Variants in DSCAM observed in about 807,000 individuals in gnomAD.
DSCAM encodes cell adhesion molecule DSCAM.
A neutral mutation model predicts 217.7 loss-of-function variants in DSCAM; 47 were observed. The observed-to-expected ratio is 0.22, with a 90% CI of 0.17 to 0.28. The LOEUF (loss-of-function observed/expected upper bound fraction) is 0.28. Ranked by LOEUF, DSCAM falls within the 10% of genes least tolerant of loss-of-function variation. The pLI, the probability that DSCAM is intolerant of heterozygous loss-of-function variation, is 1.00. For missense variants in DSCAM, 2,080 were observed against 2,618.3 expected, an observed-to-expected ratio of 0.79 and a Z score of 4.49; for synonymous variants, 1,056 against 1,015.3, an observed-to-expected ratio of 1.04 and a Z score of -0.76.
At chr21:40,492,579 T>C (rs1208078900) in intron 3 of DSCAM, among the ~76,000 whole-genome samples, 1 of 150,814 alleles carries the variant, frequency 6.6e-6, no homozygotes, top group East Asian at 1.9e-4. Context: ...AGCTAGAAAA[T>C]ACAATCGAGG....
intron 20 of DSCAM, 23 bp downstream of exon 20, chr21:40,124,172 C>G (rs1049448625): frequency 1.9e-6 from 3 of 1,613,620 alleles, no homozygotes; most frequent in Non-Finnish European, 1.7e-6. Flanking sequence ...GCTTGAAAGG[C>G]ACTTGGTTAT....
intron 25 of DSCAM, among the ~76,000 whole-genome samples, chr21:40,079,460 C>T (rs953553935): frequency 6.6e-6 from 1 of 152,288 alleles, no homozygotes; most frequent in East Asian, 1.9e-4. Flanking sequence ...TGACCTCTTA[C>T]CACTTGTTAC....
At chr21:40,476,944 A>G (rs986528005) in intron 3 of DSCAM, among the ~76,000 whole-genome samples, 2 of 152,206 alleles carry the variant, frequency 1.3e-5, no homozygotes, top group African/African-American at 2.4e-5. Context: ...GCAAGCCAAG[A>G]CCTGATAAAA....
chr21:40,300,993 A>G (rs983134252), intron 9 of DSCAM, among the ~76,000 whole-genome samples: 1 of 151,766 alleles, frequency 6.6e-6, no homozygotes, highest in Non-Finnish European at 1.5e-5. Context: ...AGCAACTTTT[A>G]CTGATTTTCT....
rs748691199 is a variant in DSCAM, at chr21:40,080,272, G to A, written c.4300C>T (p.Arg1434Cys). The change falls in exon 25 of 33, where the codon CGT becomes TGT. Residue 1434 changes from arginine (R) to cysteine (C), a missense_variant. By Grantham distance (180) the Arg-to-Cys change is radical (BLOSUM62 -3). Transcript: ENST00000400454. ...WGSFPISPSERSYRLENLKCG... is the reference protein window; with the variant it reads ...WGSFPISPSECSYRLENLKCG... ...TTGAGATTTTCCAAGCGATAGGAAC[G>A]TTCGCTGGGGCTGATTGGAAAACTC... 12 of 1,613,546 alleles carry A rather than the reference G, an allele frequency of 7.4e-6. No homozygotes were observed. The highest frequency in any genetic ancestry group is 1.7e-5 in the Admixed American group (1 of 59,936).
At chr21:40,304,070 A>G (rs2074045253) in intron 9 of DSCAM, among the ~76,000 whole-genome samples, 2 of 152,238 alleles carry the variant, frequency 1.3e-5, no homozygotes, top group African/African-American at 4.8e-5. Context: ...GATATCAGGG[A>G]AACCATCAGT....
chr21:40,272,866 A>T (rs2073637622), intron 11 of DSCAM, among the ~76,000 whole-genome samples: 1 of 149,156 alleles, frequency 6.7e-6, no homozygotes, highest in Non-Finnish European at 1.5e-5. Flanking sequence ...CTTTATATCT[A>T]TTTTTTTTTT....
At chr21:40,770,431 G>A (rs1292570681) in intron 1 of DSCAM, among the ~76,000 whole-genome samples, 3 of 152,164 alleles carry the variant, frequency 2.0e-5, no homozygotes, top group Admixed American at 6.5e-5. Context: ...CTGCACCCAA[G>A]TCTGGAACTG....
intron 3 of DSCAM, among the ~76,000 whole-genome samples, chr21:40,530,873 C>A (rs2076438781): frequency 7.1e-6 from 1 of 140,392 alleles, no homozygotes; most frequent in Admixed American, 7.2e-5. Flanking sequence ...TCTCTCAGCC[C>A]TGCCTGTCCA....
In DSCAM at chr21:40,075,107, G is replaced by A; in HGVS notation, c.4818C>T (p.Val1606=). Residue 1606 remains valine, a synonymous_variant, in exon 27 of 33, where the codon GTC becomes GTT. Transcript: ENST00000400454. ...CCAGCAGGAGCACAAACAGCAGCAA[G>A]ACCCCCACCAGGATACAGGAGATGG... ...LVTISCILVG[V]LLLFVLLLVV... is the part of the protein sequence containing the mutation. The A allele has an allele frequency of 6.2e-7, 1 of 1,614,176 alleles. No individual in the cohort carries two copies. Among genetic ancestry groups the A allele is most frequent in the Non-Finnish European group, 8.5e-7 (1 of 1,180,040 alleles).
chr21:40,612,066 C>T (rs549115912), intron 3 of DSCAM, among the ~76,000 whole-genome samples: 1 of 152,290 alleles, frequency 6.6e-6, no homozygotes, highest in African/African-American at 2.4e-5. Flanking sequence ...TCAGCAGGAA[C>T]ATACAGGCTG....
chr21:40,365,301 C>A (rs1490517220), intron 4 of DSCAM, among the ~76,000 whole-genome samples: 1 of 152,158 alleles, frequency 6.6e-6, no homozygotes, highest in Non-Finnish European at 1.5e-5. Flanking sequence ...AAAGACTAGA[C>A]TGGCTTAGTC....
chr21:40,712,469 CAAAAAAA>C (rs571819417), intron 1 of DSCAM, among the ~76,000 whole-genome samples: 118 of 27,336 alleles, frequency 4.3e-3, no homozygotes, highest in Middle Eastern at 0.028. Context: ...GACTCCGTCT[CAAAAAAA>C]AAAAAAAAAA....
chr21:40,152,672 G>A (rs746187625), intron 16 of DSCAM, among the ~76,000 whole-genome samples: 2 of 152,358 alleles, frequency 1.3e-5, no homozygotes, highest in Non-Finnish European at 1.5e-5. Flanking sequence ...GTATTTGCAC[G>A]GTGTGCAAGT....
chr21:40,336,781 A>G (rs903029658), intron 8 of DSCAM, among the ~76,000 whole-genome samples: 4 of 152,324 alleles, frequency 2.6e-5, no homozygotes, highest in African/African-American at 7.2e-5. Context: ...CCTGACTGAG[A>G]AGAGAGTCAA....
chr21:40,540,762 T>C (rs1310055940), intron 3 of DSCAM, among the ~76,000 whole-genome samples: 4 of 152,138 alleles, frequency 2.6e-5, no homozygotes, highest in Admixed American at 6.6e-5. Flanking sequence ...CCCTGATCCC[T>C]CTTCGATCAA....
intron 18 of DSCAM, among the ~76,000 whole-genome samples, chr21:40,134,917 C>G (rs2090191523): frequency 6.6e-6 from 1 of 152,160 alleles, no homozygotes; most frequent in Non-Finnish European, 1.5e-5. Flanking sequence ...AAGTGACATG[C>G]CCATGTGTCA....
At chr21:40,042,755 G>T (rs2088776906) in intron 31 of DSCAM, 82 bp from the exon 32 acceptor site, 19 of 1,374,186 alleles carry the variant, frequency 1.4e-5, no homozygotes, top group Non-Finnish European at 1.9e-5. Context: ...CTGGCTTGGG[G>T]CTGTTTTCTT....
In DSCAM at chr21:40,141,975, T is replaced by TACAC. The variant is rs72076559; in HGVS notation, c.3406+579_3406+582dup. 9.5e-3 allele frequency among the ~76,000 whole-genome samples: 1,356 copies of TACAC among 143,192 alleles called. 22 individuals carry two copies. Among genetic ancestry groups the TACAC allele is most frequent in the African/African-American group, 0.034 (1,252 of 36,506 alleles). 93.9% of individuals were successfully genotyped at this position (143,192 alleles called of 152,430 possible). A position where few individuals can be genotyped will look rare whatever the true frequency, so the allele number is the denominator to read the frequency against. On this transcript the variant is annotated intron_variant, in intron 18 of 32. Coordinates refer to ENST00000400454, the MANE Select transcript of DSCAM (RefSeq NM_001389.5). ...GAACATTTTGCCCTACCACTTGAAA[T>TACAC]ACACACACACACACACACACACACG...
Sources: gnomAD v4.1 joint callset for allele counts (sites outside exome capture counted in the v4.1 genomes callset) on GRCh38, gnomAD v4.1.1 for gene constraint, MANE v1.5 for transcripts, NCBI Gene and HGNC (gene_info 2026-07-23, HGNC 2026-07-21) for gene names.